CD4: variants seen among roughly 807,000 people sequenced by gnomAD.
CD4 encodes T-cell surface glycoprotein CD4.
A neutral mutation model predicts 50.5 loss-of-function variants in CD4; 25 were observed. The ratio of observed to expected loss-of-function variants is 0.49; its 90% CI spans 0.36 to 0.69. The LOEUF is 0.69. Among genes scored for constraint, CD4 ranks in the 30% least tolerant of loss-of-function variants. The pLI is 0.00. For missense variants in CD4, 456 were observed against 548.5 expected, an observed-to-expected ratio of 0.83 and a Z score of 1.68; for synonymous variants, 207 against 221.9, an observed-to-expected ratio of 0.93 and a Z score of 0.60.
At position 6,818,789 on chromosome 12, in the gene CD4, G is replaced by A; in HGVS notation, c.1279-58G>A. The A allele has an allele frequency of 1.3e-6, 2 of 1,486,276 alleles. No homozygotes were observed. Among genetic ancestry groups the A allele is most frequent in the East Asian group, 2.3e-5 (1 of 44,194 alleles). The allele number at this position is 1,486,276 out of a possible 1,614,324, so 92.1% of individuals were successfully genotyped here. A position where few individuals can be genotyped will look rare whatever the true frequency, so the allele number is the denominator to read the frequency against. On this transcript the variant is annotated intron_variant, in intron 8 of 9. Transcript: ENST00000011653. This position sits in a 1 kb window ranked among gnomAD's most constrained non-coding sequence, Gnocchi z 5.0. Reference sequence around the variant, plus strand: ...GCTTCCCCCACTCCCCCCACCAAGGGGCACCTCCCTTCTGGAGGCCTGGGA... The same window carrying A: ...GCTTCCCCCACTCCCCCCACCAAGGAGCACCTCCCTTCTGGAGGCCTGGGA...
chr12:6,793,979 T>TATCTATCTATCTATCTATC (rs1942279280), intron 1 of CD4, among the ~76,000 whole-genome samples: 1 of 151,484 alleles, frequency 6.6e-6, no homozygotes, highest in Non-Finnish European at 1.5e-5. Flanking sequence ...TATATCTATC[T>TATCTATCTATCTATCTATC]ATCTATCTAT....
At chr12:6,817,060 AT>A in intron 6 of CD4, 69 bp from the exon 7 acceptor site, 1 of 1,356,224 alleles carries the variant, frequency 7.4e-7, no homozygotes, top group South Asian at 1.2e-5. Context: ...AAGGTCACCC[AT>A]ATAGAGTATC....
chr12:6,806,888 C>T (rs1942776814), intron 3 of CD4, among the ~76,000 whole-genome samples: 1 of 152,212 alleles, frequency 6.6e-6, no homozygotes, highest in Admixed American at 6.5e-5. Context: ...AAACATGCGG[C>T]CGGGCGCGGT....
rs1942171464 is a variant in CD4 at position 6,791,823 on chromosome 12, A to G, written c.-68+2161A>G. ...CTTGAGCCTGGGAGACGGAGGCTGC[A>G]GTGAGGCCTGACTGTGCCACTGCAC... is the stretch of plus-strand genomic sequence containing the variant. On this transcript the variant is annotated intron_variant, in intron 1 of 9. Coordinates refer to ENST00000011653, the MANE Select transcript of CD4 (RefSeq NM_000616.5). Among the ~76,000 whole-genome samples the G allele has an allele frequency of 3.3e-5, 5 of 152,306 alleles. No homozygotes were observed. In the South Asian group the frequency reaches 1.0e-3, roughly 32 times the overall value.
chr12:6,804,832 C>T (rs966570924), intron 3 of CD4, among the ~76,000 whole-genome samples: 2 of 151,616 alleles, frequency 1.3e-5, no homozygotes, highest in African/African-American at 2.4e-5. Context: ...CTGGCTAACA[C>T]GGTGAAACCC....
At chr12:6,809,641 T>C (rs987264244) in intron 3 of CD4, among the ~76,000 whole-genome samples, 2 of 152,160 alleles carry the variant, frequency 1.3e-5, no homozygotes, top group African/African-American at 4.8e-5. Flanking sequence ...CTACTTGGAT[T>C]TCCCTTCCCC....
Position 6,800,162 on chromosome 12 carries a change from G to T in CD4, c.24G>T (p.Arg8Ser). The change falls in exon 2 of 10, where the codon AGG (arginine) becomes AGT (serine). Residue 8 changes from arginine to serine, a missense_variant. Transcript: ENST00000011653. MNRGVPFRHLLLVLQLAL... is the reference protein window; with the variant it reads MNRGVPFSHLLLVLQLAL... Reference sequence around the variant, plus strand: ...CAATGAACCGGGGAGTCCCTTTTAGGCACTTGCTTCTGGTGCTGCAACTGG... The same window carrying T: ...CAATGAACCGGGGAGTCCCTTTTAGTCACTTGCTTCTGGTGCTGCAACTGG... 6.2e-7 allele frequency: 1 copy of T among 1,614,062 alleles called. No homozygotes were observed. The highest frequency in any genetic ancestry group is 1.3e-5 in the African/African-American group (1 of 75,004).
intron 3 of CD4, chr12:6,813,607 G>A (rs1278065453): frequency 6.6e-6 from 1 of 152,444 alleles, no homozygotes; most frequent in Non-Finnish European, 1.5e-5. Flanking sequence ...GAATGGGTGA[G>A]CTATGATCTA....
Position 6,814,180 on chromosome 12 carries a change from A to G in CD4, c.253A>G (p.Ser85Gly). The G allele has an allele frequency of 6.2e-7, 1 of 1,614,152 alleles. No individual in the cohort carries two copies. Among genetic ancestry groups the G allele is most frequent in the Non-Finnish European group, 8.5e-7 (1 of 1,180,014 alleles). The change falls in exon 4 of 10, where the codon AGC (serine) becomes GGC (glycine). Residue 85 changes from serine (S) to glycine (G), a missense_variant. By Grantham distance (56) the Ser-to-Gly change is moderately conservative. Transcript: ENST00000011653. The part of the protein sequence containing the change: ...KLNDRADSRR[S>G]LWDQGNFPLI... The stretch of plus-strand genomic sequence containing the variant: ...GAATGATCGCGCTGACTCAAGAAGA[A>G]GCCTTTGGGACCAAGGAAACTTTCC...
At chr12:6,802,869 G>A (rs980008758) in intron 3 of CD4, among the ~76,000 whole-genome samples, 1 of 151,898 alleles carries the variant, frequency 6.6e-6, no homozygotes, top group Non-Finnish European at 1.5e-5. Flanking sequence ...GAGTAGCTGG[G>A]ACTACAGACA....
chr12:6,801,343 C>A (rs142290163), intron 3 of CD4, among the ~76,000 whole-genome samples: 3,793 of 149,680 alleles, frequency 0.025, 167 homozygotes, highest in African/African-American at 0.086. Context: ...ATGGTGAAAC[C>A]CGGTCTCTAC....
intron 3 of CD4, among the ~76,000 whole-genome samples, chr12:6,801,050 C>CGT (rs1168852179): frequency 6.6e-6 from 1 of 151,688 alleles, no homozygotes; most frequent in Admixed American, 6.6e-5. Flanking sequence ...GGACTACAGG[C>CGT]ATGCACCACC....
rs1416808626 is a variant in CD4, at chr12:6,819,393, G to T, written c.*64G>T. 1.1e-5 allele frequency: 16 copies of T among 1,491,278 alleles called. No homozygotes were observed. Among genetic ancestry groups the T allele is most frequent in the African/African-American group, 8.3e-5 (6 of 72,692 alleles). The allele number at this position is 1,491,278 out of a possible 1,614,324, so 92.4% of individuals were successfully genotyped here. On this transcript the variant is annotated 3_prime_UTR_variant, in exon 10 of 10. Transcript: ENST00000011653. ...GGTGTCTGCCCCGCGTTTCCTGCCT[G>T]CGGACCAGATGAATGTAGCAGATCC...
rs1555114242 is a variant in CD4 at position 6,795,098 on chromosome 12, C to CTCTATCTATGTA, written c.-67-4965_-67-4964insGTATCTATCTAT. Among the ~76,000 whole-genome samples, 221 of 147,214 alleles carry CTCTATCTATGTA rather than the reference C, an allele frequency of 1.5e-3. 4 individuals carry two copies. The highest frequency in any genetic ancestry group is 0.014 in the Admixed American group (204 of 14,682). ...ACTGTGTCTGTCCCTAAATGTCTGT[C>CTCTATCTATGTA]TCTATCTATCTATCTATCTATCTAT... On this transcript the variant is annotated intron_variant, in intron 1 of 9. Coordinates refer to ENST00000011653, the MANE Select transcript of CD4 (RefSeq NM_000616.5).
chr12:6,800,945 A>G (rs1942526302), intron 3 of CD4, among the ~76,000 whole-genome samples: 1 of 151,710 alleles, frequency 6.6e-6, no homozygotes, highest in Admixed American at 6.6e-5. Context: ...TAGTTCTATC[A>G]CCCAGGCTCC....
At chr12:6,814,070 G>A (rs1426419491) in intron 3 of CD4, 72 bp from the exon 4 acceptor site, 1 of 1,318,082 alleles carries the variant, frequency 7.6e-7, no homozygotes, top group South Asian at 1.3e-5. Flanking sequence ...GAAGAGCCGT[G>A]GGCATTCTCT....
At chr12:6,794,934 C>G (rs1244865443) in intron 1 of CD4, among the ~76,000 whole-genome samples, 1 of 151,624 alleles carries the variant, frequency 6.6e-6, no homozygotes, top group East Asian at 1.9e-4. Flanking sequence ...ATTACAGGCC[C>G]GTACCACTGT....
intron 3 of CD4, among the ~76,000 whole-genome samples, chr12:6,811,646 C>T (rs1312207092): frequency 1.3e-5 from 2 of 150,458 alleles, no homozygotes; most frequent in African/African-American, 4.9e-5. Flanking sequence ...GCATGCGTCA[C>T]TATGCTCTGG....
At chr12:6,808,046 C>T (rs1555116466) in intron 3 of CD4, among the ~76,000 whole-genome samples, 1 of 130,334 alleles carries the variant, frequency 7.7e-6, no homozygotes, top group African/African-American at 3.0e-5. Context: ...CGCCACTACA[C>T]TGTAGCTTGG....
Sources: gnomAD v4.1 joint callset for allele counts (sites outside exome capture counted in the v4.1 genomes callset) on GRCh38, gnomAD v4.1.1 for gene constraint, Gnocchi (gnomAD v3.1) non-coding constraint, MANE v1.5 for transcripts, NCBI Gene and HGNC (gene_info 2026-07-23, HGNC 2026-07-21) for gene names.